The following APBB1 variants were observed in gnomAD, a reference collection of about 807,000 sequenced individuals.
APBB1 encodes the protein amyloid beta precursor protein binding family B member 1.
Under a neutral mutation model 78.4 loss-of-function variants are expected in APBB1, and 22 were observed. The observed-to-expected ratio is 0.28, with a 90% confidence interval of 0.20 to 0.40. The LOEUF (loss-of-function observed/expected upper bound fraction) is 0.40, where lower values mean the gene tolerates loss of function less well. Ranked by LOEUF, APBB1 falls within the 10% of genes least tolerant of loss-of-function variation. The probability of loss-of-function intolerance (pLI) is 1.00; values close to 1 mark genes in which losing one functional copy is unlikely to be tolerated. For missense variants in APBB1, 749 were observed against 932.4 expected, an observed-to-expected ratio of 0.80 and a Z score of 2.56; for synonymous variants, 369 against 372.7, an observed-to-expected ratio of 0.99 and a Z score of 0.12.
intron 1 of APBB1, among the ~76,000 whole-genome samples, chr11:6,418,242 A>T (rs554585500): frequency 1.2e-4 from 19 of 152,196 alleles, no homozygotes; most frequent in Non-Finnish European, 2.4e-4. Context: ...TACTACTCAA[A>T]GGTAAAGGAG....
chr11:6,417,834 C>T (rs956890868), intron 1 of APBB1, among the ~76,000 whole-genome samples: 2 of 152,074 alleles, frequency 1.3e-5, no homozygotes, highest in African/African-American at 4.8e-5. Flanking sequence ...TTTTGAGATT[C>T]GAAGGAAGAA....
At chr11:6,398,682 G>A (rs1447222419) in intron 12 of APBB1, among the ~76,000 whole-genome samples, 3 of 152,202 alleles carry the variant, frequency 2.0e-5, no homozygotes, top group Non-Finnish European at 4.4e-5. Flanking sequence ...GGGTCAGCAT[G>A]CTTTTCTCAC....
chr11:6,396,300 A>C, intron 12 of APBB1, 85 bp from the exon 13 acceptor site: 1 of 1,209,438 alleles, frequency 8.3e-7, no homozygotes, highest in South Asian at 1.4e-5. Context: ...CACCCAATCA[A>C]ACCCAGGGCC....
intron 1 of APBB1, among the ~76,000 whole-genome samples, chr11:6,417,287 GTCATGT>G (rs1590796063): frequency 6.6e-6 from 1 of 152,042 alleles, no homozygotes; most frequent in East Asian, 1.9e-4. Context: ...TAGTTCAAAC[GTCATGT>G]TCTCAGAGAA....
At chr11:6,412,919 C>G (rs4758416) in intron 1 of APBB1, among the ~76,000 whole-genome samples, 77,208 of 151,794 alleles carry the variant, frequency 0.51, 21,846 homozygotes, top group Middle Eastern at 0.73. Flanking sequence ...CCTCCAGACC[C>G]CTCCCTCTGC....
rs766208004 is a variant in APBB1 at position 6,402,566 on chromosome 11, A to G, written c.1254+10T>C. ...CAGTACCACCCCCTACCCCCGGCTC[A>G]GGTCCTTACTTCCCCCCAGCCCCCA... On this transcript the variant is annotated intron_variant, in intron 7 of 14. Coordinates refer to ENST00000609360, the MANE Select transcript of APBB1 (RefSeq NM_001164.5). 4.3e-6 allele frequency: 7 copies of G among 1,612,878 alleles called. No individual in the cohort carries two copies. The highest frequency in any genetic ancestry group is 5.9e-6 in the Non-Finnish European group (7 of 1,179,058).
At chr11:6,402,399 C>CAGAA (rs1848569958) in intron 7 of APBB1, 177 bp downstream of exon 7, 1 of 1,097,358 alleles carries the variant, frequency 9.1e-7, no homozygotes, top group South Asian at 1.6e-5. Context: ...CGTTGTTAGG[C>CAGAA]GACTATCTCC....
chr11:6,408,056 G>C (rs1050404731), intron 2 of APBB1, among the ~76,000 whole-genome samples: 1 of 152,168 alleles, frequency 6.6e-6, no homozygotes, highest in Non-Finnish European at 1.5e-5. Flanking sequence ...TGGGATTACA[G>C]GCGTGAGCCA....
chr11:6,399,028 CT>C (rs1333257101), intron 12 of APBB1, among the ~76,000 whole-genome samples: 1 of 152,196 alleles, frequency 6.6e-6, no homozygotes, highest in Non-Finnish European at 1.5e-5. Flanking sequence ...CCTACCACTT[CT>C]TTTTCAAGTA....
chr11:6,397,865 A>AC (rs1282737921), intron 12 of APBB1, among the ~76,000 whole-genome samples: 1 of 152,242 alleles, frequency 6.6e-6, no homozygotes, highest in Non-Finnish European at 1.5e-5. Context: ...GGGCAAATGC[A>AC]CCCGAACTGG....
At chr11:6,402,345 T>C in intron 7 of APBB1, 136 bp from the exon 8 acceptor site, 1 of 1,307,436 alleles carries the variant, frequency 7.6e-7, no homozygotes, top group Non-Finnish European at 1.0e-6. Context: ...CCTGCAGGCC[T>C]CACTCTAGTG....
At chr11:6,398,232 TG>T (rs1311394455) in intron 12 of APBB1, among the ~76,000 whole-genome samples, 1 of 152,154 alleles carries the variant, frequency 6.6e-6, no homozygotes, top group African/African-American at 2.4e-5. Flanking sequence ...CTTTTTTTTT[TG>T]TATCAGTTGT....
chr11:6,419,140 G>A (rs927598765), upstream of APBB1: 1 of 360,684 alleles, frequency 2.8e-6, no homozygotes, highest in Non-Finnish European at 5.0e-6. Context: ...AGGGGAGGGG[G>A]AGGGGCGCCA....
chr11:6,416,887 A>G (rs1299917130), intron 1 of APBB1, among the ~76,000 whole-genome samples: 3 of 152,034 alleles, frequency 2.0e-5, no homozygotes, highest in Non-Finnish European at 4.4e-5. Context: ...GATTACAGGC[A>G]CACACCACCA....
At chr11:6,408,671 A>G (rs1230167065) in intron 2 of APBB1, among the ~76,000 whole-genome samples, 7 of 151,888 alleles carry the variant, frequency 4.6e-5, no homozygotes, top group Admixed American at 1.3e-4. Flanking sequence ...CGCCCAGCTA[A>G]TTTTGTATTT....
At chr11:6,400,790 G>A (rs1315154432) in intron 12 of APBB1, among the ~76,000 whole-genome samples, 199 bp downstream of exon 12, 5 of 152,208 alleles carry the variant, frequency 3.3e-5, no homozygotes, top group Non-Finnish European at 4.4e-5. Context: ...GATGCTCAGC[G>A]AAGGCGTGCT....
chr11:6,406,577 C>G (rs1218467015), intron 2 of APBB1, among the ~76,000 whole-genome samples: 1 of 152,130 alleles, frequency 6.6e-6, no homozygotes. Context: ...GGATAAAGTC[C>G]AAATTCCTCC....
chr11:6,414,535 G>A (rs746915164), intron 1 of APBB1, among the ~76,000 whole-genome samples: 26 of 152,316 alleles, frequency 1.7e-4, no homozygotes, highest in Middle Eastern at 3.4e-3. Context: ...GAGGATCCAG[G>A]AAGCTCAGAA....
rs73398879 is a variant in APBB1 at position 6,408,231 on chromosome 11, G to C, written c.721+2396C>G. ...GCATGGTAAATATGACCACAGGAGA[G>C]AGTCTGAAAAATCCAAACCATAGAA... is the stretch of plus-strand genomic sequence containing the variant. On this transcript the variant is annotated intron_variant, in intron 2 of 14. Transcript: ENST00000609360. Among the ~76,000 whole-genome samples, 547 of 152,324 alleles carry C rather than the reference G, an allele frequency of 3.6e-3. 2 individuals carry two copies. Among genetic ancestry groups the C allele is most frequent in the African/African-American group, 0.012 (516 of 41,566 alleles).
Sources: allele counts gnomAD v4.1 joint callset (sites outside exome capture counted in the v4.1 genomes callset), GRCh38; gene constraint gnomAD v4.1.1; transcripts MANE v1.5; gene names NCBI Gene and HGNC (gene_info 2026-07-23, HGNC 2026-07-21).